LATS2: variants seen among roughly 807,000 people sequenced by gnomAD.
The protein encoded by LATS2 is large tumor suppressor kinase 2, also known as serine/threonine-protein kinase LATS2.
In LATS2, 24 loss-of-function variants were observed where a neutral mutation model predicts 76.0. The ratio of observed to expected loss-of-function variants is 0.32; its 90% CI spans 0.23 to 0.44. LATS2 has a LOEUF of 0.44. Among genes scored for constraint, LATS2 ranks in the 20% least tolerant of loss-of-function variants. LATS2 has a pLI of 1.00. For synonymous variants in LATS2, 692 were observed against 635.4 expected, an observed-to-expected ratio of 1.09 and a Z score of -1.34; for missense variants, 1,286 against 1,481.2, an observed-to-expected ratio of 0.87 and a Z score of 2.16.
chr13:20,980,656 T>A (rs896709929), intron 6 of LATS2, among the ~76,000 whole-genome samples: 1 of 152,170 alleles, frequency 6.6e-6, no homozygotes, highest in Non-Finnish European at 1.5e-5. Context: ...AAGTAGACCT[T>A]CACTGGGCAC....
Position 20,981,653 on chromosome 13 carries a change from A to G in LATS2, c.2483-5T>C. 1 of 1,589,138 alleles carries G rather than the reference A, an allele frequency of 6.3e-7. No individual in the cohort carries two copies. Among genetic ancestry groups the G allele is most frequent in the Non-Finnish European group, 8.6e-7 (1 of 1,169,530 alleles). On this transcript the variant is annotated splice_region_variant and splice_polypyrimidine_tract_variant and intron_variant, in intron 5 of 7. Coordinates refer to ENST00000382592, the MANE Select transcript of LATS2 (RefSeq NM_014572.3). ...TGTCCTGTCTGACATGGCTCCCTTC[A>G]CCCAGGAATCAGGGATAGTGAAAGA...
chr13:20,981,061 C>T (rs1331237025), intron 6 of LATS2, among the ~76,000 whole-genome samples: 1 of 152,218 alleles, frequency 6.6e-6, no homozygotes. Flanking sequence ...AAGCACCCAG[C>T]TGCACACGGC....
chr13:21,050,147 G>GATAGATAGATAC (rs71200328), intron 1 of LATS2, among the ~76,000 whole-genome samples: 2 of 53,784 alleles, frequency 3.7e-5, no homozygotes, highest in African/African-American at 9.5e-5. Flanking sequence ...TAGATAGATA[G>GATAGATAGATAC]ATACATACAT....
At chr13:21,030,309 GC>G (rs1365876482) in intron 2 of LATS2, among the ~76,000 whole-genome samples, 4 of 151,826 alleles carry the variant, frequency 2.6e-5, no homozygotes, top group Admixed American at 1.3e-4. Context: ...AACTCTGCTG[GC>G]CGGGCGTGGT....
At chr13:21,052,619 T>C (rs886938476) in intron 1 of LATS2, among the ~76,000 whole-genome samples, 1 of 152,210 alleles carries the variant, frequency 6.6e-6, no homozygotes, top group Non-Finnish European at 1.5e-5. Flanking sequence ...CCCAAAGAGC[T>C]GGGATAACAG....
chr13:21,035,179 C>G (rs1401342554), intron 2 of LATS2, among the ~76,000 whole-genome samples: 1 of 151,900 alleles, frequency 6.6e-6, no homozygotes, highest in East Asian at 1.9e-4. Flanking sequence ...GGCTTTAATT[C>G]AAGAGCTATG....
chr13:21,008,751 T>C (rs1346400124), intron 2 of LATS2, among the ~76,000 whole-genome samples: 6 of 152,228 alleles, frequency 3.9e-5, no homozygotes, highest in African/African-American at 1.2e-4. Flanking sequence ...GGTGTGTAAA[T>C]TGGTACAATC....
intron 4 of LATS2, among the ~76,000 whole-genome samples, chr13:20,987,048 G>A (rs1344782376): frequency 1.3e-5 from 2 of 152,024 alleles, no homozygotes; most frequent in Non-Finnish European, 2.9e-5. Flanking sequence ...ACAAAAAAAT[G>A]GCCAGGCGTG....
rs144074278 is a variant in LATS2 at position 21,044,908 on chromosome 13, T to C, written c.342+777A>G. Among the ~76,000 whole-genome samples the C allele has an allele frequency of 3.5e-3, 535 of 152,206 alleles. 1 individual carries two copies. Among genetic ancestry groups the C allele is most frequent in the African/African-American group, 0.013 (520 of 41,532 alleles). ...ACCACGTCCAGCTTTTTATTTTTTG[T>C]AGAGATGGGGAGTCTCGCTATGTTG... On this transcript the variant is annotated intron_variant, in intron 2 of 7. Transcript: ENST00000382592.
intron 2 of LATS2, among the ~76,000 whole-genome samples, chr13:21,038,355 T>C (rs949561092): frequency 2.0e-5 from 3 of 152,070 alleles, no homozygotes; most frequent in East Asian, 1.9e-4. Context: ...TAGTTTAATA[T>C]ATAATTCCAT....
In LATS2 at chr13:20,988,468, C is replaced by T. The variant is rs750798997; in HGVS notation, c.1312G>A (p.Ala438Thr). Residue 438 changes from alanine to threonine, a missense_variant, in exon 4 of 8, where the codon GCG becomes ACG. By Grantham distance (58) the Ala-to-Thr change is moderately conservative (BLOSUM62 0). Transcript: ENST00000382592. Reference protein sequence around the residue: ...APNTVTAVTAAHILHPVKSVR... With the variant: ...APNTVTAVTATHILHPVKSVR... ...CTCTTCACCGGGTGCAAGATGTGCGCGGCCGTGACAGCCGTCACGGTGTTG... is the reference window on the plus strand; with the variant it reads ...CTCTTCACCGGGTGCAAGATGTGCGTGGCCGTGACAGCCGTCACGGTGTTG... 3.9e-6 allele frequency: 6 copies of T among 1,529,286 alleles called. No individual in the cohort carries two copies. Among genetic ancestry groups the T allele is most frequent in the African/African-American group, 1.4e-5 (1 of 72,240 alleles). 94.7% of individuals were successfully genotyped at this position (1,529,286 alleles called of 1,614,324 possible).
intron 2 of LATS2, among the ~76,000 whole-genome samples, chr13:21,044,724 G>A (rs1873001147): frequency 6.8e-6 from 1 of 147,712 alleles, no homozygotes; most frequent in Non-Finnish European, 1.5e-5. Context: ...GTGTGTGTGT[G>A]TGTGTGTGTG....
chr13:20,998,617 C>A (rs1249336480), intron 2 of LATS2, among the ~76,000 whole-genome samples: 2 of 152,238 alleles, frequency 1.3e-5, no homozygotes, highest in Admixed American at 6.5e-5. Flanking sequence ...ACGGAAAGGC[C>A]CCTGGAAGAA....
intron 2 of LATS2, among the ~76,000 whole-genome samples, chr13:21,012,700 G>C (rs1429808450): frequency 1.3e-5 from 2 of 152,064 alleles, no homozygotes; most frequent in Non-Finnish European, 2.9e-5. Context: ...TTAAGGGAAC[G>C]AGCAGAAAGA....
intron 2 of LATS2, among the ~76,000 whole-genome samples, chr13:21,042,866 C>A (rs777218062): frequency 7.9e-5 from 12 of 151,956 alleles, no homozygotes; most frequent in Non-Finnish European, 1.8e-4. Flanking sequence ...TGCCTGTAAT[C>A]CCAGCTACTC....
At chr13:21,045,303 CAAGAA>C (rs1465347530) in intron 2 of LATS2, among the ~76,000 whole-genome samples, 4 of 151,802 alleles carry the variant, frequency 2.6e-5, no homozygotes, top group Non-Finnish European at 5.9e-5. Flanking sequence ...CAAACCAAAA[CAAGAA>C]AAGGGAAGCC....
intron 1 of LATS2, among the ~76,000 whole-genome samples, chr13:21,055,711 C>T (rs1873426901): frequency 6.6e-6 from 1 of 152,212 alleles, no homozygotes; most frequent in South Asian, 2.1e-4. Flanking sequence ...AAACCAATGT[C>T]TCATGGGACC....
chr13:21,032,572 T>C (rs1367726243), intron 2 of LATS2, among the ~76,000 whole-genome samples: 3 of 152,282 alleles, frequency 2.0e-5, no homozygotes, highest in Non-Finnish European at 2.9e-5. Context: ...AGCCTTTTTT[T>C]TTCGTTCTTT....
chr13:21,045,883 A>G lies in LATS2; in HGVS notation c.144T>C (p.Asp48=). The G allele has an allele frequency of 6.2e-7, 1 of 1,614,202 alleles. No individual in the cohort carries two copies. Among genetic ancestry groups the G allele is most frequent in the Non-Finnish European group, 8.5e-7 (1 of 1,180,030 alleles). Residue 48 remains aspartate, a synonymous_variant, in exon 2 of 8, where the codon GAT becomes GAC. Transcript: ENST00000382592. The stretch of plus-strand genomic sequence containing the variant: ...CATCTTTGCTCCCCAGGACTTTGGC[A>G]TCCAGGGAAGTGTCACTGTTTGGTC... ...PAGPNSDTSL[D]AKVLGSKDAT...
Sources: gnomAD v4.1 joint callset for allele counts (sites outside exome capture counted in the v4.1 genomes callset) on GRCh38, gnomAD v4.1.1 for gene constraint, MANE v1.5 for transcripts, NCBI Gene and HGNC (gene_info 2026-07-23, HGNC 2026-07-21) for gene names.